Variants in PAK4 observed in about 807,000 individuals in gnomAD.
PAK4 encodes the protein p21 (RAC1) activated kinase 4.
In PAK4, 49 loss-of-function variants were observed where a neutral mutation model predicts 53.5. That is an observed-to-expected ratio of 0.92 (90% CI 0.73 to 1.16). PAK4 has a LOEUF of 1.16. Ranked by LOEUF, PAK4 falls within the 50% of genes most tolerant of loss-of-function variation. The pLI is 0.00. For missense variants in PAK4, 824 were observed against 850.7 expected, an observed-to-expected ratio of 0.97 and a Z score of 0.39; for synonymous variants, 376 against 375.6, an observed-to-expected ratio of 1.00 and a Z score of -0.01.
At chr19:39,130,577 T>C (rs1343212964) in intron 1 of PAK4, among the ~76,000 whole-genome samples, 2 of 152,032 alleles carry the variant, frequency 1.3e-5, no homozygotes, top group African/African-American at 4.8e-5. Context: ...GATCATCAGA[T>C]AGGCCGGTGT....
At chr19:39,169,507 C>T (rs917279964) in intron 1 of PAK4, 25 bp from the exon 3 acceptor site, 1 of 1,527,506 alleles carries the variant, frequency 6.5e-7, no homozygotes, top group Non-Finnish European at 9.1e-7. Context: ...GGCTCTCACT[C>T]ACCCACCGTG....
intron 1 of PAK4, among the ~76,000 whole-genome samples, chr19:39,149,874 A>G (rs55885160): frequency 6.6e-6 from 1 of 152,102 alleles, no homozygotes; most frequent in Non-Finnish European, 1.5e-5. Flanking sequence ...TAAATAATAA[A>G]ATATATGTTT....
In PAK4 at chr19:39,175,109, C is replaced by T. The variant is rs2074575972; in HGVS notation, c.1232+45C>T. On this transcript the variant is annotated intron_variant, in intron 5 of 8. Transcript: ENST00000358301. The surrounding 1 kb of genome is among the most constrained non-coding windows in gnomAD (Gnocchi z 4.7). The stretch of plus-strand genomic sequence containing the variant: ...CCCCTCCTGTGACACGACCAAGTCC[C>T]CTCCAGACCACTAGGGGTGGGGCCA... The T allele has an allele frequency of 2.5e-6, 4 of 1,572,438 alleles. No homozygotes were observed. In the South Asian group the frequency reaches 3.6e-5, roughly 14 times the overall value.
chr19:39,126,179 G>A (rs1398657698), intron 1 of PAK4, among the ~76,000 whole-genome samples: 1 of 152,072 alleles, frequency 6.6e-6, no homozygotes, highest in East Asian at 1.9e-4. Flanking sequence ...GGTTCTGGGC[G>A]AGTCTCAAAA....
At chr19:39,141,766 G>A (rs552204730) in intron 1 of PAK4, among the ~76,000 whole-genome samples, 1 of 152,220 alleles carries the variant, frequency 6.6e-6, no homozygotes, top group African/African-American at 2.4e-5. Flanking sequence ...CTCCCGAGTA[G>A]CTGGGATTAC....
intron 1 of PAK4, among the ~76,000 whole-genome samples, chr19:39,130,955 G>A (rs1184381615): frequency 6.6e-6 from 1 of 151,832 alleles, no homozygotes; most frequent in Non-Finnish European, 1.5e-5. Flanking sequence ...TGGAGAAGAC[G>A]AGGGGACAGT....
At chr19:39,156,219 G>T (rs1054314940) in intron 1 of PAK4, among the ~76,000 whole-genome samples, 1 of 152,120 alleles carries the variant, frequency 6.6e-6, no homozygotes, top group African/African-American at 2.4e-5. Context: ...AGCCTTGGTC[G>T]GGGTGGAGGA....
At chr19:39,127,303 C>A (rs775598976) in intron 1 of PAK4, among the ~76,000 whole-genome samples, 4 of 152,066 alleles carry the variant, frequency 2.6e-5, no homozygotes, top group Non-Finnish European at 5.9e-5. Context: ...TGTTCTCCAA[C>A]TCCAGGCCCA....
chr19:39,164,880 C>T (rs936004322), intron 1 of PAK4, among the ~76,000 whole-genome samples: 2 of 151,928 alleles, frequency 1.3e-5, no homozygotes, highest in East Asian at 1.9e-4. Context: ...GTGGTGGTGG[C>T]GATGGTGGTG....
intron 1 of PAK4, among the ~76,000 whole-genome samples, chr19:39,153,069 A>C (rs1401282045): frequency 6.6e-6 from 1 of 152,098 alleles, no homozygotes; most frequent in African/African-American, 2.4e-5. Flanking sequence ...TTTTTCTTTC[A>C]AATCATAATT....
At position 39,178,559 on chromosome 19, in the gene PAK4, C is replaced by A; in HGVS notation, c.1756C>A (p.Arg586Ser). The change falls in exon 9 of 9, where the codon CGC becomes AGC. Residue 586 changes from arginine (R) to serine (S), a missense_variant. Transcript: ENST00000358301. This position sits in a 1 kb window ranked among gnomAD's most constrained non-coding sequence, Gnocchi z 4.4. The stretch of plus-strand genomic sequence containing the variant: ...GCCTGCCAGCATCGTGCCCCTCATG[C>A]GCCAGAACCGCACCAGATGAGGCCC... The A allele has an allele frequency of 3.1e-6, 5 of 1,605,516 alleles. No homozygotes were observed. The highest frequency in any genetic ancestry group is 4.3e-6 in the Non-Finnish European group (5 of 1,175,962).
chr19:39,155,116 C>G (rs1397387110), intron 1 of PAK4, among the ~76,000 whole-genome samples: 2 of 152,216 alleles, frequency 1.3e-5, no homozygotes, highest in African/African-American at 2.4e-5. Context: ...CGCTTGCTCA[C>G]TGTTGTCCCT....
At chr19:39,130,241 C>T (rs1212063621) in intron 1 of PAK4, among the ~76,000 whole-genome samples, 1 of 146,728 alleles carries the variant, frequency 6.8e-6, no homozygotes, top group Non-Finnish European at 1.5e-5. Flanking sequence ...CTGGGGGGGA[C>T]CCAGGCAGAG....
chr19:39,154,548 G>A (rs956018535), intron 1 of PAK4, among the ~76,000 whole-genome samples: 8 of 152,174 alleles, frequency 5.3e-5, no homozygotes, highest in African/African-American at 1.2e-4. Flanking sequence ...CTTTTGAACC[G>A]TGTGCCTGTA....
chr19:39,127,975 T>G (rs9967595), intron 1 of PAK4, among the ~76,000 whole-genome samples: 71,629 of 151,876 alleles, frequency 0.47, 17,108 homozygotes, highest in Non-Finnish European at 0.52. Flanking sequence ...GGCAAGACGC[T>G]GAGGGGACTC....
intron 1 of PAK4, among the ~76,000 whole-genome samples, chr19:39,162,185 T>C (rs1330281406): frequency 6.6e-6 from 1 of 152,072 alleles, no homozygotes. Context: ...GGTCTCCAAC[T>C]TCTGACCTCA....
At chr19:39,176,141 G>A (rs759990937) in intron 6 of PAK4, among the ~76,000 whole-genome samples, 4 of 152,230 alleles carry the variant, frequency 2.6e-5, no homozygotes, top group Admixed American at 6.5e-5. Flanking sequence ...CAGTTCCTAA[G>A]AAGGTGTGAG....
At chr19:39,177,592 G>A (rs1050562751) in intron 7 of PAK4, 83 bp from the exon 9 acceptor site, 35 of 1,443,890 alleles carry the variant, frequency 2.4e-5, no homozygotes, top group Non-Finnish European at 2.8e-5. Context: ...CAGAGACAGC[G>A]CTGGAGCGGT....
At chr19:39,165,343 A>T (rs1268745249) in intron 1 of PAK4, among the ~76,000 whole-genome samples, 1 of 133,488 alleles carries the variant, frequency 7.5e-6, no homozygotes, top group African/African-American at 2.8e-5. Context: ...TCTACTAAAA[A>T]TACAAAAAAA....
Sources: allele counts gnomAD v4.1 joint callset (sites outside exome capture counted in the v4.1 genomes callset), GRCh38; gene constraint gnomAD v4.1.1; non-coding constraint Gnocchi (gnomAD v3.1); transcripts MANE v1.5; gene names NCBI Gene and HGNC (gene_info 2026-07-23, HGNC 2026-07-21).